LARGE1: variants seen among roughly 807,000 people sequenced by gnomAD.
The protein encoded by LARGE1 is LARGE xylosyl- and glucuronyltransferase 1, also known as xylosyl- and glucuronyltransferase LARGE1.
In LARGE1, 43 loss-of-function variants were observed where a neutral mutation model predicts 87.6. The observed-to-expected ratio is 0.49, with a 90% confidence interval of 0.38 to 0.63. The LOEUF (loss-of-function observed/expected upper bound fraction) is 0.63, where lower values mean the gene tolerates loss of function less well. LARGE1 is among the 30% of genes least tolerant of loss of function. The pLI, the probability that LARGE1 is intolerant of heterozygous loss-of-function variation, is 0.00. For missense variants in LARGE1, 802 were observed against 1,000.2 expected, an observed-to-expected ratio of 0.80 and a Z score of 2.67; for synonymous variants, 434 against 394.6, an observed-to-expected ratio of 1.10 and a Z score of -1.18.
At chr22:33,172,867 C>T (rs539881194) in intron 11 of LARGE1, among the ~76,000 whole-genome samples, 2 of 152,032 alleles carry the variant, frequency 1.3e-5, no homozygotes, top group Non-Finnish European at 2.9e-5. Context: ...TGTGAAAAGA[C>T]CAAATCTACA....
intron 6 of LARGE1, among the ~76,000 whole-genome samples, chr22:33,469,983 G>T (rs564849750): frequency 6.8e-6 from 1 of 146,680 alleles, no homozygotes; most frequent in Admixed American, 6.9e-5. Flanking sequence ...TCCACCTCCC[G>T]GGTTCACGCC....
chr22:33,517,929 C>G (rs2071390733), intron 6 of LARGE1, among the ~76,000 whole-genome samples: 1 of 152,224 alleles, frequency 6.6e-6, no homozygotes, highest in Admixed American at 6.5e-5. Flanking sequence ...GTGAGCAGGA[C>G]TGGCCTGAAG....
At chr22:33,143,840 A>G in the LARGE1 span, among the ~76,000 whole-genome samples, 2 of 152,194 alleles carry the variant, frequency 1.3e-5, no homozygotes, top group Non-Finnish European at 2.9e-5. Context: ...AAAATCCATT[A>G]TACTGACTTT....
intron 1 of LARGE1, among the ~76,000 whole-genome samples, chr22:33,910,179 C>A (rs368359691): frequency 6.6e-6 from 1 of 152,182 alleles, no homozygotes; most frequent in East Asian, 1.9e-4. Context: ...AGCTCTCCAA[C>A]TATGTCCCTC....
At chr22:33,075,848 C>T in the LARGE1 span, among the ~76,000 whole-genome samples, 1 of 152,240 alleles carries the variant, frequency 6.6e-6, no homozygotes, top group African/African-American at 2.4e-5. Context: ...ATTTTCCTTT[C>T]ATGAGCTCTG....
At position 33,316,177 on chromosome 22, in the gene LARGE1, G is replaced by A; in HGVS notation, c.1359C>T (p.Val453=). 1 of 1,614,130 alleles carries A rather than the reference G, an allele frequency of 6.2e-7. No individual in the cohort carries two copies. Among genetic ancestry groups the A allele is most frequent in the Non-Finnish European group, 8.5e-7 (1 of 1,180,016 alleles). Residue 453 remains valine (V), a synonymous_variant, in exon 11 of 15, where the codon GTC becomes GTT. Coordinates refer to ENST00000397394, the MANE Select transcript of LARGE1 (RefSeq NM_133642.5). ...CYEFRRERFT[V]HRTHLYFLHY... Reference sequence around the variant, plus strand: ...GCAGGAAGTACAGGTGGGTGCGGTGGACAGTGAAGCGCTCTCGCCGGAACT... The same window carrying A: ...GCAGGAAGTACAGGTGGGTGCGGTGAACAGTGAAGCGCTCTCGCCGGAACT...
At chr22:33,514,483 A>G (rs1427781678) in intron 6 of LARGE1, among the ~76,000 whole-genome samples, 2 of 152,204 alleles carry the variant, frequency 1.3e-5, no homozygotes, top group Non-Finnish European at 2.9e-5. Context: ...ATAAAAATAA[A>G]CGAAAGTAAC....
the LARGE1 span, among the ~76,000 whole-genome samples, chr22:33,083,105 C>T: frequency 6.6e-6 from 1 of 152,140 alleles, no homozygotes; most frequent in Admixed American, 6.6e-5. Flanking sequence ...TATCAAAACA[C>T]TGTTGGTTTT....
intron 1 of LARGE1, among the ~76,000 whole-genome samples, chr22:33,790,351 C>T (rs149036524): frequency 0.021 from 3,149 of 152,246 alleles, 41 homozygotes; most frequent in Middle Eastern, 0.061. Flanking sequence ...TTATTAGCAG[C>T]GTGAGAACAT....
intron 3 of LARGE1, among the ~76,000 whole-genome samples, chr22:33,627,694 G>A (rs746009362): frequency 4.6e-5 from 7 of 152,018 alleles, no homozygotes; most frequent in Non-Finnish European, 8.8e-5. Context: ...ATATCAGCAC[G>A]GGAGGCTCGG....
chr22:33,545,966 C>T (rs1331880144), intron 6 of LARGE1, among the ~76,000 whole-genome samples: 2 of 152,194 alleles, frequency 1.3e-5, no homozygotes, highest in African/African-American at 4.8e-5. Flanking sequence ...ATGATCATTC[C>T]TTACATGAAT....
intron 7 of LARGE1, among the ~76,000 whole-genome samples, chr22:33,419,672 TTGTTG>T (rs1255504647): frequency 2.6e-5 from 3 of 113,496 alleles, no homozygotes; most frequent in African/African-American, 6.5e-5. Flanking sequence ...ATCTTTGTTT[TTGTTG>T]TTGTTGTTGT....
chr22:33,282,408 G>A (rs1930626924), intron 13 of LARGE1, among the ~76,000 whole-genome samples: 1 of 152,140 alleles, frequency 6.6e-6, no homozygotes. Context: ...GCAGGCAGAC[G>A]TACCAGCCCT....
In LARGE1 at chr22:33,519,032, G is replaced by C. The variant is rs115038132; in HGVS notation, c.787+45816C>G. ...AAAACAAGACAGCTAGTTGGAATTTGTTTTAGGCAAAAGAAAAGAAAAGAA... is the reference window on the plus strand; with the variant it reads ...AAAACAAGACAGCTAGTTGGAATTTCTTTTAGGCAAAAGAAAAGAAAAGAA... On this transcript the variant is annotated intron_variant, in intron 6 of 14. Coordinates refer to ENST00000397394, the MANE Select transcript of LARGE1 (RefSeq NM_133642.5). Among the ~76,000 whole-genome samples, 815 of 152,196 alleles carry C rather than the reference G, an allele frequency of 5.4e-3. 7 individuals carry two copies. Among genetic ancestry groups the C allele is most frequent in the African/African-American group, 0.018 (759 of 41,538 alleles).
chr22:33,275,207 A>T (rs1392009341), intron 14 of LARGE1, among the ~76,000 whole-genome samples: 1 of 152,208 alleles, frequency 6.6e-6, no homozygotes. Flanking sequence ...CGCAGGTCAC[A>T]CTGTCACCCA....
chr22:33,377,619 C>CT (rs1299907796), intron 9 of LARGE1, among the ~76,000 whole-genome samples: 1 of 152,134 alleles, frequency 6.6e-6, no homozygotes, highest in Non-Finnish European at 1.5e-5. Flanking sequence ...AAAGATTATT[C>CT]TTCTAGGTAT....
At chr22:33,813,658 A>C (rs1239934247) in intron 1 of LARGE1, among the ~76,000 whole-genome samples, 1 of 152,174 alleles carries the variant, frequency 6.6e-6, no homozygotes, top group South Asian at 2.1e-4. Context: ...AGGATGTTCC[A>C]TCTTTTCTGC....
chr22:33,441,630 T>G (rs976451610), intron 6 of LARGE1, among the ~76,000 whole-genome samples: 3 of 151,484 alleles, frequency 2.0e-5, no homozygotes, highest in Admixed American at 2.0e-4. Flanking sequence ...TAACTTTAAA[T>G]TTTTTTTTGT....
chr22:33,344,173 G>A (rs983087116), intron 9 of LARGE1, among the ~76,000 whole-genome samples: 1 of 152,174 alleles, frequency 6.6e-6, no homozygotes, highest in African/African-American at 2.4e-5. Context: ...ACACACCTGG[G>A]ATCAATACTC....
Sources: allele counts gnomAD v4.1 joint callset (sites outside exome capture counted in the v4.1 genomes callset), GRCh38; gene constraint gnomAD v4.1.1; transcripts MANE v1.5; gene names NCBI Gene and HGNC (gene_info 2026-07-23, HGNC 2026-07-21).